GPD1L: variants seen among roughly 807,000 people sequenced by gnomAD.
GPD1L encodes the protein glycerol-3-phosphate dehydrogenase 1-like protein.
Under a neutral mutation model 32.9 loss-of-function variants are expected in GPD1L, and 17 were observed. The observed-to-expected ratio is 0.52, with a 90% CI of 0.35 to 0.78. The LOEUF (loss-of-function observed/expected upper bound fraction) is 0.78. GPD1L is among the 30% of genes least tolerant of loss of function. The pLI is 0.01. For missense variants in GPD1L, 361 were observed against 447.8 expected, an observed-to-expected ratio of 0.81 and a Z score of 1.75; for synonymous variants, 187 against 165.9, an observed-to-expected ratio of 1.13 and a Z score of -0.98.
chr3:32,166,708 C>G lies in GPD1L; in HGVS notation c.*798C>G, dbSNP rs898230092. 1 of 152,728 alleles carries G rather than the reference C, an allele frequency of 6.5e-6. No individual in the cohort carries two copies. Among genetic ancestry groups the G allele is most frequent in the South Asian group, 2.1e-4 (1 of 4,840 alleles). The allele number at this position is 152,728 out of a possible 1,614,324, so 9.5% of individuals were successfully genotyped here. On this transcript the variant is annotated 3_prime_UTR_variant, in exon 8 of 8. Coordinates refer to ENST00000282541, the MANE Select transcript of GPD1L (RefSeq NM_015141.4). ...AACATCACAGATCCACTGGGGGGTG[C>G]AAGGGGCTACTGTTAGTCCTCTTGT...
In GPD1L at chr3:32,115,758, C is replaced by CTTTTTTTTTTTTTTTTTTTTTTTTTTTTT. The variant is rs539068850; in HGVS notation, c.47+9020_47+9048dup. Among the ~76,000 whole-genome samples, 4 of 45,086 alleles carry CTTTTTTTTTTTTTTTTTTTTTTTTTTTTT rather than the reference C, an allele frequency of 8.9e-5. 2 individuals carry two copies. The highest frequency in any genetic ancestry group is 1.9e-4 in the Non-Finnish European group (4 of 20,538). 29.6% of individuals were successfully genotyped at this position (45,086 alleles called of 152,430 possible). The stretch of plus-strand genomic sequence containing the variant: ...CTAAACCCTTTTCGTGTACGTTGAA[C>CTTTTTTTTTTTTTTTTTTTTTTTTTTTTT]TTTTTTTTTTTTTTTTTTTTTTTTT... On this transcript the variant is annotated intron_variant, in intron 1 of 7. Transcript: ENST00000282541.
At chr3:32,139,309 A>AT (rs1438669478) in intron 3 of GPD1L, among the ~76,000 whole-genome samples, 33 of 152,300 alleles carry the variant, frequency 2.2e-4, no homozygotes, top group Middle Eastern at 3.4e-3. Flanking sequence ...CAGGGCTTTC[A>AT]TTTCAGTTTA....
At chr3:32,133,364 A>G (rs1700614191) in intron 2 of GPD1L, among the ~76,000 whole-genome samples, 1 of 152,220 alleles carries the variant, frequency 6.6e-6, no homozygotes, top group Non-Finnish European at 1.5e-5. Context: ...TGATGTTGCT[A>G]CAAAAAGGTT....
intron 1 of GPD1L, among the ~76,000 whole-genome samples, chr3:32,124,466 G>A (rs1700475436): frequency 6.6e-6 from 1 of 152,168 alleles, no homozygotes. Context: ...TCATCCACAA[G>A]AAAAATGAAA....
chr3:32,123,919 G>A (rs1331832199), intron 1 of GPD1L, among the ~76,000 whole-genome samples: 1 of 152,174 alleles, frequency 6.6e-6, no homozygotes, highest in African/African-American at 2.4e-5. Flanking sequence ...AGTGCCAGCA[G>A]TGTGGCCGCA....
intron 1 of GPD1L, among the ~76,000 whole-genome samples, chr3:32,115,975 A>C (rs999298803): frequency 1.3e-5 from 2 of 151,400 alleles, no homozygotes; most frequent in African/African-American, 4.8e-5. Flanking sequence ...TTTTTAGTAG[A>C]GACGGGGTTT....
intron 7 of GPD1L, among the ~76,000 whole-genome samples, chr3:32,161,998 G>A (rs996222772): frequency 5.3e-5 from 8 of 152,058 alleles, no homozygotes; most frequent in Admixed American, 2.0e-4. Flanking sequence ...CCACTACTCC[G>A]GTCTTCCTCT....
chr3:32,131,708 A>T (rs1700589560), intron 2 of GPD1L, among the ~76,000 whole-genome samples: 1 of 152,166 alleles, frequency 6.6e-6, no homozygotes, highest in African/African-American at 2.4e-5. Flanking sequence ...TAATACCTTT[A>T]TGTACAATGT....
intron 7 of GPD1L, among the ~76,000 whole-genome samples, chr3:32,161,088 TGCA>T (rs1701068779): frequency 6.6e-6 from 1 of 152,086 alleles, no homozygotes; most frequent in African/African-American, 2.4e-5. Flanking sequence ...TATCTCTGGT[TGCA>T]GCTCCTTTAT....
chr3:32,145,605 A>T (rs947990408), intron 4 of GPD1L, among the ~76,000 whole-genome samples: 1 of 152,132 alleles, frequency 6.6e-6, no homozygotes, highest in East Asian at 1.9e-4. Context: ...TGCAATGTTC[A>T]GGAGCATGCT....
intron 1 of GPD1L, among the ~76,000 whole-genome samples, chr3:32,122,862 T>A (rs1360389960): frequency 6.6e-6 from 1 of 152,248 alleles, no homozygotes; most frequent in Admixed American, 6.5e-5. Flanking sequence ...GCTTCATAGC[T>A]ATAGTATTAT....
intron 7 of GPD1L, among the ~76,000 whole-genome samples, chr3:32,160,891 T>C (rs9834802): frequency 0.52 from 78,053 of 148,708 alleles, 21,081 homozygotes; most frequent in East Asian, 0.86. Context: ...ACTACACCAC[T>C]GCATAAATGC....
rs1221530760 is a variant in GPD1L, at chr3:32,106,759, G to A, written c.47+1G>A. On this transcript the variant is annotated splice_donor_variant, in intron 1 of 7. Coordinates refer to ENST00000282541, the MANE Select transcript of GPD1L (RefSeq NM_015141.4). LOFTEE classifies it high-confidence loss of function. The surrounding 1 kb of genome is among the most constrained non-coding windows in gnomAD (Gnocchi z 4.0). ...TGTGCATCGTGGGCTCGGGGAACTG[G>A]TGAGCGGCGGCGGGCTGGAGGCCGG... The A allele has an allele frequency of 9.6e-6, 15 of 1,559,940 alleles. No homozygotes were observed. The highest frequency in any genetic ancestry group is 1.3e-5 in the Non-Finnish European group (15 of 1,153,648).
chr3:32,120,024 G>C (rs1207695932), intron 1 of GPD1L, among the ~76,000 whole-genome samples: 1 of 152,184 alleles, frequency 6.6e-6, no homozygotes, highest in East Asian at 1.9e-4. Context: ...TAAGTGCGAA[G>C]GTTAAAAGTG....
At position 32,154,015 on chromosome 3, in the gene GPD1L, A is replaced by G. The variant is rs532574109; in HGVS notation, c.619-4861A>G. On this transcript the variant is annotated intron_variant, in intron 5 of 7. Transcript: ENST00000282541. ...ATTTAAATGCACAGTGGATAATGAT[A>G]ACTTTCACATCTGAGCGATCTCGGA... 3.3e-5 allele frequency among the ~76,000 whole-genome samples: 5 copies of G among 152,236 alleles called. No homozygotes were observed. The South Asian group carries it at 1.0e-3, about 32-fold the overall frequency.
intron 7 of GPD1L, among the ~76,000 whole-genome samples, chr3:32,161,630 G>T (rs1336065493): frequency 2.0e-5 from 3 of 152,188 alleles, no homozygotes. Flanking sequence ...GGTTGGCTGG[G>T]CATTAGCCTG....
chr3:32,158,113 A>G lies in GPD1L; in HGVS notation c.619-763A>G, dbSNP rs914220963. Among the ~76,000 whole-genome samples, 5 of 152,224 alleles carry G rather than the reference A, an allele frequency of 3.3e-5. No individual in the cohort carries two copies. In the East Asian group the frequency reaches 7.7e-4, roughly 23 times the overall value. On this transcript the variant is annotated intron_variant, in intron 5 of 7. Transcript: ENST00000282541. ...GGCAGCACTGTTTGTCATGGCCCCA[A>G]ACTGGAATCTACCCCAGTGCCAGTT...
At chr3:32,155,320 G>T (rs1392813665) in intron 5 of GPD1L, among the ~76,000 whole-genome samples, 2 of 152,162 alleles carry the variant, frequency 1.3e-5, no homozygotes, top group African/African-American at 4.8e-5. Context: ...ACATACTTCT[G>T]AGTCATGGGA....
chr3:32,140,544 G>C (rs563159587), intron 4 of GPD1L, among the ~76,000 whole-genome samples, 178 bp downstream of exon 4: 5 of 152,310 alleles, frequency 3.3e-5, no homozygotes, highest in Non-Finnish European at 5.9e-5. Context: ...GAACTGAAGT[G>C]TTTCAACAAC....
Sources: gnomAD v4.1 joint callset for allele counts (sites outside exome capture counted in the v4.1 genomes callset) on GRCh38, gnomAD v4.1.1 for gene constraint, Gnocchi (gnomAD v3.1) non-coding constraint, MANE v1.5 for transcripts, NCBI Gene and HGNC (gene_info 2026-07-23, HGNC 2026-07-21) for gene names.